HERPUD2: variants seen among roughly 807,000 people sequenced by gnomAD.
HERPUD2 encodes homocysteine-responsive endoplasmic reticulum-resident ubiquitin-like domain member 2 protein.
HERPUD2 carries 13 observed loss-of-function variants against 49.9 expected under a neutral mutation model. That is an observed-to-expected ratio of 0.26 (90% CI 0.17 to 0.41). HERPUD2 has a LOEUF of 0.41. Ranked by LOEUF, HERPUD2 falls within the 10% of genes least tolerant of loss-of-function variation. The probability of loss-of-function intolerance (pLI) is 1.00; values close to 1 mark genes in which losing one functional copy is unlikely to be tolerated. For missense variants in HERPUD2, 449 were observed against 492.2 expected, an observed-to-expected ratio of 0.91 and a Z score of 0.83; for synonymous variants, 172 against 171.4, an observed-to-expected ratio of 1.00 and a Z score of -0.03.
intron 5 of HERPUD2, among the ~76,000 whole-genome samples, chr7:35,654,498 G>A (rs1785232802): frequency 6.6e-6 from 1 of 150,910 alleles, no homozygotes; most frequent in Non-Finnish European, 1.5e-5. Flanking sequence ...GAGAAAATGG[G>A]TAAATTCTTA....
intron 5 of HERPUD2, among the ~76,000 whole-genome samples, chr7:35,643,961 A>G (rs1427098611): frequency 2.0e-5 from 3 of 152,074 alleles, no homozygotes; most frequent in Non-Finnish European, 2.9e-5. Context: ...AAGAACAATG[A>G]AAGTTTTAAA....
At chr7:35,664,142 G>A (rs972484353) in intron 5 of HERPUD2, among the ~76,000 whole-genome samples, 23 of 152,032 alleles carry the variant, frequency 1.5e-4, no homozygotes, top group South Asian at 2.1e-4. Context: ...TTATTTCTCC[G>A]TCACTTATGA....
chr7:35,674,325 A>G (rs1404967254), intron 2 of HERPUD2, among the ~76,000 whole-genome samples: 1 of 147,712 alleles, frequency 6.8e-6, no homozygotes, highest in South Asian at 2.1e-4. Context: ...ACAAACTCCT[A>G]TATATAAACA....
At chr7:35,683,084 A>C (rs1254337450) in intron 2 of HERPUD2, among the ~76,000 whole-genome samples, 1 of 152,176 alleles carries the variant, frequency 6.6e-6, no homozygotes, top group Non-Finnish European at 1.5e-5. Context: ...TAAAATTCAT[A>C]TGGAACCAAA....
At chr7:35,636,086 A>G (rs960854141) in intron 6 of HERPUD2, among the ~76,000 whole-genome samples, 5 of 152,198 alleles carry the variant, frequency 3.3e-5, no homozygotes, top group African/African-American at 7.2e-5. Flanking sequence ...ATTGCTTAAA[A>G]TTTCCCAGTA....
chr7:35,662,574 G>A (rs1463791371), intron 5 of HERPUD2, among the ~76,000 whole-genome samples: 2 of 152,148 alleles, frequency 1.3e-5, no homozygotes, highest in South Asian at 2.1e-4. Context: ...TCTATTCAGG[G>A]ATTCAACTTC....
intron 2 of HERPUD2, among the ~76,000 whole-genome samples, chr7:35,681,635 C>T (rs544820042): frequency 2.2e-3 from 331 of 152,080 alleles, no homozygotes; most frequent in Non-Finnish European, 3.9e-3. Flanking sequence ...TATGCACACA[C>T]GGAATATTAT....
intron 5 of HERPUD2, among the ~76,000 whole-genome samples, chr7:35,664,448 T>A (rs1231552167): frequency 6.6e-6 from 1 of 152,222 alleles, no homozygotes; most frequent in Non-Finnish European, 1.5e-5. Flanking sequence ...CCTCACTAGG[T>A]TGGGGAAGTT....
Position 35,638,356 on chromosome 7 carries a change from A to C in HERPUD2, c.611T>G (p.Met204Arg). The change falls in exon 6 of 9, where the codon ATG becomes AGG. Residue 204 changes from methionine to arginine, a missense_variant. By Grantham distance (91) the Met-to-Arg change is moderately conservative (BLOSUM62 -1). Coordinates refer to ENST00000311350, the MANE Select transcript of HERPUD2 (RefSeq NM_022373.5). ...TGAACTCAGATTAACTTACTACTGC[A>C]TATAATACTGATGAGCATACATCTG... ...WQQMYAHQYY[M>R]QYQAAVSAQA... 1 of 1,609,042 alleles carries C rather than the reference A, an allele frequency of 6.2e-7. No individual in the cohort carries two copies. The highest frequency in any genetic ancestry group is 1.1e-5 in the South Asian group (1 of 90,336).
chr7:35,663,448 G>A (rs1785471710), intron 5 of HERPUD2, among the ~76,000 whole-genome samples: 1 of 152,090 alleles, frequency 6.6e-6, no homozygotes, highest in Admixed American at 6.5e-5. Flanking sequence ...TTCAATTCCT[G>A]GATATCCTTA....
At chr7:35,641,013 C>G (rs1245563593) in intron 5 of HERPUD2, among the ~76,000 whole-genome samples, 1 of 151,618 alleles carries the variant, frequency 6.6e-6, no homozygotes, top group Non-Finnish European at 1.5e-5. Flanking sequence ...ACTTAAGTAA[C>G]AGAAGAAAGA....
At chr7:35,688,832 G>C (rs1786120503) in intron 2 of HERPUD2, among the ~76,000 whole-genome samples, 1 of 151,492 alleles carries the variant, frequency 6.6e-6, no homozygotes, top group African/African-American at 2.4e-5. Context: ...TCCAACCTGG[G>C]TTCAAATTCT....
chr7:35,671,437 G>A (rs1461313576), intron 3 of HERPUD2, among the ~76,000 whole-genome samples: 2 of 151,988 alleles, frequency 1.3e-5, no homozygotes, highest in Non-Finnish European at 2.9e-5. Flanking sequence ...GGCAAAGGAG[G>A]TTGAAGACAC....
intron 5 of HERPUD2, among the ~76,000 whole-genome samples, chr7:35,644,109 G>A (rs1239237245): frequency 2.6e-5 from 4 of 152,070 alleles, no homozygotes; most frequent in South Asian, 4.1e-4. Flanking sequence ...TTTTAGCATA[G>A]AAGATATATA....
intron 2 of HERPUD2, among the ~76,000 whole-genome samples, chr7:35,690,851 T>C (rs1159543656): frequency 1.3e-5 from 2 of 151,596 alleles, no homozygotes; most frequent in Non-Finnish European, 1.5e-5. Flanking sequence ...GCTATCAGAG[T>C]CTGATTCTTG....
At chr7:35,679,183 GATT>G (rs1342979702) in intron 2 of HERPUD2, among the ~76,000 whole-genome samples, 2 of 152,158 alleles carry the variant, frequency 1.3e-5, no homozygotes. Context: ...TGATTATCCA[GATT>G]ATTGATAATA....
intron 5 of HERPUD2, among the ~76,000 whole-genome samples, chr7:35,657,013 G>A (rs1000625897): frequency 6.6e-6 from 1 of 152,156 alleles, no homozygotes; most frequent in Non-Finnish European, 1.5e-5. Context: ...ATAGACAAAT[G>A]AGACTATATT....
chr7:35,670,401 T>C (rs1408409466), intron 3 of HERPUD2, 73 bp from the exon 4 acceptor site: 14 of 586,140 alleles, frequency 2.4e-5, no homozygotes, highest in Non-Finnish European at 3.9e-5. Flanking sequence ...GTAGCTAAAC[T>C]GAAATACCTA....
intron 5 of HERPUD2, among the ~76,000 whole-genome samples, chr7:35,665,721 G>A (rs574009614): frequency 6.6e-6 from 1 of 152,090 alleles, no homozygotes; most frequent in East Asian, 1.9e-4. Flanking sequence ...GTTCCTATTC[G>A]GCCATCTTGG....
Sources: gnomAD v4.1 joint callset for allele counts (sites outside exome capture counted in the v4.1 genomes callset) on GRCh38, gnomAD v4.1.1 for gene constraint, MANE v1.5 for transcripts, NCBI Gene and HGNC (gene_info 2026-07-23, HGNC 2026-07-21) for gene names.